The following SANBR variants were observed in gnomAD, a reference collection of about 807,000 sequenced individuals.
SANBR encodes SANT and BTB domain regulator of CSR.
Under a neutral mutation model 101.8 loss-of-function variants are expected in SANBR, and 77 were observed. The ratio of observed to expected loss-of-function variants is 0.76; its 90% CI spans 0.63 to 0.91. The LOEUF (loss-of-function observed/expected upper bound fraction) is 0.91. Ranked by LOEUF, SANBR falls within the 40% of genes least tolerant of loss-of-function variation. The pLI, the probability that SANBR is intolerant of heterozygous loss-of-function variation, is 0.00. For missense variants in SANBR, 875 were observed against 853.0 expected (o/e 1.03, Z -0.32); for synonymous variants, 279 against 274.7 (o/e 1.02, Z -0.15).
chr2:61,074,352 T>G (rs1681645534), intron 5 of SANBR, among the ~76,000 whole-genome samples: 1 of 152,240 alleles, frequency 6.6e-6, no homozygotes, highest in Non-Finnish European at 1.5e-5. Context: ...AACCACAGTT[T>G]TAAAAATTCA....
At chr2:61,113,524 G>T (rs949163657) in intron 16 of SANBR, among the ~76,000 whole-genome samples, 4 of 152,114 alleles carry the variant, frequency 2.6e-5, no homozygotes, top group Non-Finnish European at 5.9e-5. Context: ...TGTAGTTTCA[G>T]TGTACAGGTG....
chr2:61,130,714 C>T (rs1405717722), intron 20 of SANBR, among the ~76,000 whole-genome samples: 3 of 151,128 alleles, frequency 2.0e-5, no homozygotes, highest in South Asian at 2.1e-4. Context: ...TTTGGGAGGC[C>T]GAGGCGGGCA....
intron 5 of SANBR, among the ~76,000 whole-genome samples, chr2:61,073,853 C>T (rs1681613842): frequency 6.6e-6 from 1 of 151,842 alleles, no homozygotes; most frequent in South Asian, 2.1e-4. Context: ...AAACTGTATG[C>T]CATTAATTCT....
chr2:61,087,169 T>G (rs1682478818), intron 8 of SANBR, among the ~76,000 whole-genome samples: 1 of 152,050 alleles, frequency 6.6e-6, no homozygotes. Flanking sequence ...TTCAAAGAGG[T>G]TAAGTAAGTG....
chr2:61,136,081 G>A (rs1339295113), intron 21 of SANBR, among the ~76,000 whole-genome samples: 4 of 152,162 alleles, frequency 2.6e-5, no homozygotes, highest in Admixed American at 2.0e-4. Flanking sequence ...GAGGCGGGCG[G>A]ATCACCTGAG....
rs1454419418 is a variant in SANBR, at chr2:61,097,781, A to T, written c.1294A>T (p.Thr432Ser). The T allele has an allele frequency of 3.7e-6, 6 of 1,613,298 alleles. No homozygotes were observed. The highest frequency in any genetic ancestry group is 5.1e-6 in the Non-Finnish European group (6 of 1,179,416). ...TCCTACTGCAGCAAGTTCATTGAAT[A>T]CTGTTGGCACTGGAATTTATCCCTG... ...VYPTAASSLN[T>S]VGTGIYPCCN... The change falls in exon 12 of 22, where the codon ACT becomes TCT. Residue 432 changes from threonine to serine, a missense_variant. By Grantham distance (58) the Thr-to-Ser change is moderately conservative. Coordinates refer to ENST00000402291, the MANE Select transcript of SANBR (RefSeq NM_001129993.3).
rs2104979359 is a variant in SANBR, at chr2:61,124,050, T to C, written c.*1888T>C. ...CAGAGGTTGCAGTGAGCTGAGATCATGTTTCTGCGCTCCTAGCCTGGGTGA... is the reference window on the plus strand; with the variant it reads ...CAGAGGTTGCAGTGAGCTGAGATCACGTTTCTGCGCTCCTAGCCTGGGTGA... On this transcript the variant is annotated 3_prime_UTR_variant, in exon 22 of 22. Coordinates refer to ENST00000402291, the MANE Select transcript of SANBR (RefSeq NM_001129993.3). The C allele has an allele frequency of 3.0e-6, 2 of 660,568 alleles. No homozygotes were observed. Among genetic ancestry groups the C allele is most frequent in the Non-Finnish European group, 3.7e-6 (2 of 533,568 alleles). The allele number at this position is 660,568 out of a possible 1,614,324, so 40.9% of individuals were successfully genotyped here.
chr2:61,122,001 G>A, intron 21 of SANBR, 125 bp from the exon 22 acceptor site: 2 of 1,280,252 alleles, frequency 1.6e-6, no homozygotes, highest in Non-Finnish European at 2.1e-6. Context: ...TTAGAAAATG[G>A]ATTACGGAGC....
chr2:61,111,129 C>T (rs912823898), intron 16 of SANBR, among the ~76,000 whole-genome samples: 1 of 152,094 alleles, frequency 6.6e-6, no homozygotes, highest in Non-Finnish European at 1.5e-5. Flanking sequence ...CGCAGTGGCT[C>T]ACACCTGTAA....
intron 20 of SANBR, among the ~76,000 whole-genome samples, chr2:61,130,721 G>A (rs1403765893): frequency 6.6e-6 from 1 of 151,306 alleles, no homozygotes; most frequent in African/African-American, 2.4e-5. Context: ...GGCCGAGGCG[G>A]GCAGATCATG....
chr2:61,118,600 C>T, intron 20 of SANBR, among the ~76,000 whole-genome samples: 1 of 112,818 alleles, frequency 8.9e-6, no homozygotes, highest in Admixed American at 1.1e-4. Context: ...GATGGAGTCT[C>T]ACTCACTGAG....
chr2:61,126,530 C>T (rs78191024), downstream of SANBR, among the ~76,000 whole-genome samples: 251 of 152,204 alleles, frequency 1.6e-3, no homozygotes, highest in African/African-American at 5.8e-3. Flanking sequence ...AGGCCGGACG[C>T]GGTGGCTCAC....
chr2:61,083,706 A>G (rs180715333), intron 8 of SANBR, among the ~76,000 whole-genome samples: 1 of 152,210 alleles, frequency 6.6e-6, no homozygotes, highest in East Asian at 1.9e-4. Context: ...CGTCTCTACT[A>G]AAAATACAAA....
At chr2:61,116,338 G>C (rs1684079889) in intron 17 of SANBR, among the ~76,000 whole-genome samples, 1 of 152,112 alleles carries the variant, frequency 6.6e-6, no homozygotes, top group South Asian at 2.1e-4. Context: ...TGCATAAAAT[G>C]TTTCTGGAAG....
In SANBR at chr2:61,081,471, A is replaced by T. The variant is rs1298002576; in HGVS notation, c.690A>T (p.Ser230=). The change falls in exon 7 of 22, where the codon TCA becomes TCT. Residue 230 remains serine, a synonymous_variant. Coordinates refer to ENST00000402291, the MANE Select transcript of SANBR (RefSeq NM_001129993.3). The part of the protein sequence containing the change: ...MPTLEPGNVI[S]ILISSEFLKM... ...TTTTAGAGCCAGGAAATGTCATTTCAATTCTTATTTCTTCGGAGTTTTTAA... is the reference window on the plus strand; with the variant it reads ...TTTTAGAGCCAGGAAATGTCATTTCTATTCTTATTTCTTCGGAGTTTTTAA... The T allele has an allele frequency of 1.9e-5, 30 of 1,576,212 alleles. No individual in the cohort carries two copies. In the Admixed American group the frequency reaches 5.7e-4, roughly 30 times the overall value.
rs556973025 is a variant in SANBR, at chr2:61,083,726, A to G, written c.890+412A>G. On this transcript the variant is annotated intron_variant, in intron 8 of 21. Transcript: ENST00000402291. ...CTACTAAAAATACAAAAAATTAGCC[A>G]GGTGTGGTGGCAGGCGCCTGTAGTC... Among the ~76,000 whole-genome samples, 6 of 151,874 alleles carry G rather than the reference A, an allele frequency of 4.0e-5. No individual in the cohort carries two copies. The South Asian group carries it at 1.0e-3, about 26-fold the overall frequency.
chr2:61,073,562 G>T lies in SANBR; in HGVS notation c.431+11G>T. The T allele has an allele frequency of 6.8e-7, 1 of 1,472,712 alleles. No individual in the cohort carries two copies. 91.2% of individuals were successfully genotyped at this position (1,472,712 alleles called of 1,614,324 possible). A position where few individuals can be genotyped will look rare whatever the true frequency, so the allele number is the denominator to read the frequency against. On this transcript the variant is annotated intron_variant, in intron 5 of 21. Transcript: ENST00000402291. ...TGAAGAATCTGAAGGGTAGGCGGCT[G>T]GTTGTTTGCTAGATAAGATTAAATA...
At chr2:61,069,330 C>G (rs1039760299) in intron 2 of SANBR, among the ~76,000 whole-genome samples, 3 of 152,182 alleles carry the variant, frequency 2.0e-5, no homozygotes, top group Admixed American at 1.3e-4. Flanking sequence ...TCCACGCTGT[C>G]AGTCAGAGGT....
intron 10 of SANBR, among the ~76,000 whole-genome samples, chr2:61,092,010 G>A (rs1682788095): frequency 6.6e-6 from 1 of 152,172 alleles, no homozygotes; most frequent in African/African-American, 2.4e-5. Flanking sequence ...TGATTCTAAT[G>A]TTTAGAATCA....
Sources: allele counts gnomAD v4.1 joint callset (sites outside exome capture counted in the v4.1 genomes callset), GRCh38; gene constraint gnomAD v4.1.1; transcripts MANE v1.5; gene names NCBI Gene and HGNC (gene_info 2026-07-23, HGNC 2026-07-21).